The following KCND2 variants were observed in gnomAD, a reference collection of about 807,000 sequenced individuals.
KCND2 encodes the protein A-type voltage-gated potassium channel KCND2.
KCND2 carries 16 observed loss-of-function variants against 54.4 expected under a neutral mutation model. The ratio of observed to expected loss-of-function variants is 0.29; its 90% CI spans 0.20 to 0.45. KCND2 has a LOEUF of 0.45. Among genes scored for constraint, KCND2 ranks in the 20% least tolerant of loss-of-function variants. The pLI is 1.00. For synonymous variants in KCND2, 317 were observed against 310.7 expected, an observed-to-expected ratio of 1.02 and a Z score of -0.21; for missense variants, 486 against 824.2, an observed-to-expected ratio of 0.59 and a Z score of 5.02.
intron 1 of KCND2, among the ~76,000 whole-genome samples, chr7:120,639,884 A>G (rs1370046023): frequency 1.3e-5 from 2 of 152,108 alleles, no homozygotes; most frequent in Non-Finnish European, 2.9e-5. Context: ...TGTCACGAAT[A>G]TCCCATTGTA....
At chr7:120,311,968 A>G (rs374005743) in intron 1 of KCND2, among the ~76,000 whole-genome samples, 8 of 152,274 alleles carry the variant, frequency 5.3e-5, no homozygotes, top group Middle Eastern at 3.4e-3. Flanking sequence ...GCAATGGCAC[A>G]ATCTCGGCTC....
At chr7:120,457,264 A>T (rs1305272383) in intron 1 of KCND2, among the ~76,000 whole-genome samples, 1 of 152,174 alleles carries the variant, frequency 6.6e-6, no homozygotes, top group Non-Finnish European at 1.5e-5. Context: ...GGTGATTAAC[A>T]TCAGCTCCTC....
At chr7:120,630,587 A>G (rs1047060740) in intron 1 of KCND2, among the ~76,000 whole-genome samples, 1 of 152,156 alleles carries the variant, frequency 6.6e-6, no homozygotes, top group African/African-American at 2.4e-5. Context: ...AAACATAGTT[A>G]ATACAAATAT....
At chr7:120,723,936 G>A (rs1205205632) in intron 1 of KCND2, among the ~76,000 whole-genome samples, 1 of 152,128 alleles carries the variant, frequency 6.6e-6, no homozygotes, top group African/African-American at 2.4e-5. Flanking sequence ...GGTTATGCTG[G>A]GCATTTTGTC....
intron 1 of KCND2, among the ~76,000 whole-genome samples, chr7:120,574,150 A>G (rs1055384223): frequency 3.3e-5 from 5 of 152,224 alleles, no homozygotes; most frequent in Non-Finnish European, 5.9e-5. Context: ...TTCACTAAAT[A>G]GGTAAAGGAT....
At chr7:120,578,792 G>C (rs1300333261) in intron 1 of KCND2, among the ~76,000 whole-genome samples, 1 of 152,008 alleles carries the variant, frequency 6.6e-6, no homozygotes, top group Non-Finnish European at 1.5e-5. Context: ...TTGAATCCAA[G>C]AGGCAGAGGT....
chr7:120,704,064 T>C (rs1289722291), intron 1 of KCND2, among the ~76,000 whole-genome samples: 1 of 152,234 alleles, frequency 6.6e-6, no homozygotes, highest in Non-Finnish European at 1.5e-5. Flanking sequence ...TAAATTTATA[T>C]TCATTTTATC....
At chr7:120,540,240 G>T (rs896094933) in intron 1 of KCND2, among the ~76,000 whole-genome samples, 2 of 152,090 alleles carry the variant, frequency 1.3e-5, no homozygotes, top group Non-Finnish European at 2.9e-5. Context: ...CTGTTCAGCA[G>T]CAAGTGTTAT....
chr7:120,701,499 A>G (rs536790435), intron 1 of KCND2, among the ~76,000 whole-genome samples: 10 of 152,206 alleles, frequency 6.6e-5, no homozygotes, highest in African/African-American at 2.4e-4. Context: ...TGCCTGGGAA[A>G]TCCTAAGCAA....
chr7:120,572,555 T>A (rs1383757493), intron 1 of KCND2, among the ~76,000 whole-genome samples: 1 of 152,198 alleles, frequency 6.6e-6, no homozygotes, highest in African/African-American at 2.4e-5. Context: ...AGTCTCACTG[T>A]CGCCTAGGCT....
chr7:120,593,752 C>T (rs930328424), intron 1 of KCND2, among the ~76,000 whole-genome samples: 1 of 152,076 alleles, frequency 6.6e-6, no homozygotes, highest in African/African-American at 2.4e-5. Flanking sequence ...AATATGGCCC[C>T]ACAGAGAGCA....
rs202113603 is a variant in KCND2 at position 120,507,895 on chromosome 7, T to TA, written c.1116-224999dup. 4.8e-3 allele frequency among the ~76,000 whole-genome samples: 717 copies of TA among 150,802 alleles called. 2 individuals carry two copies. The highest frequency in any genetic ancestry group is 0.014 in the Middle Eastern group (4 of 292). On this transcript the variant is annotated intron_variant, in intron 1 of 5. Coordinates refer to ENST00000331113, the MANE Select transcript of KCND2 (RefSeq NM_012281.3). ...TTAAGTTGATTTTTATGGCATTTCA[T>TA]AAAAAAAAAGCTCACTGGGAGGGTA...
intron 1 of KCND2, among the ~76,000 whole-genome samples, chr7:120,411,284 C>T (rs912349034): frequency 2.0e-5 from 3 of 151,398 alleles, no homozygotes; most frequent in Admixed American, 2.0e-4. Context: ...TTATATAGAC[C>T]CCATGAGGAA....
chr7:120,466,791 G>A (rs143593928), intron 1 of KCND2, among the ~76,000 whole-genome samples: 26 of 152,182 alleles, frequency 1.7e-4, no homozygotes, highest in South Asian at 1.5e-3. Context: ...AGTCTTATGC[G>A]TCTAAAACCA....
intron 1 of KCND2, among the ~76,000 whole-genome samples, chr7:120,515,899 G>A (rs1803189996): frequency 6.6e-6 from 1 of 152,058 alleles, no homozygotes; most frequent in African/African-American, 2.4e-5. Flanking sequence ...AGAAGGAGAA[G>A]GAGAAGGTCT....
chr7:120,416,357 A>C (rs539759754), intron 1 of KCND2, among the ~76,000 whole-genome samples: 1 of 152,274 alleles, frequency 6.6e-6, no homozygotes, highest in Non-Finnish European at 1.5e-5. Flanking sequence ...TCACACACAC[A>C]TAGCTCCATT....
At chr7:120,707,820 C>G (rs1291369913) in intron 1 of KCND2, among the ~76,000 whole-genome samples, 1 of 151,952 alleles carries the variant, frequency 6.6e-6, no homozygotes, top group African/African-American at 2.4e-5. Flanking sequence ...AGGAGAACTA[C>G]TGATAAGGTA....
At chr7:120,533,938 C>T (rs750369536) in intron 1 of KCND2, among the ~76,000 whole-genome samples, 7 of 152,156 alleles carry the variant, frequency 4.6e-5, no homozygotes, top group East Asian at 1.9e-4. Flanking sequence ...CAAGAAGCTT[C>T]GCTAACCCCC....
chr7:120,335,409 G>T (rs527281468), intron 1 of KCND2, among the ~76,000 whole-genome samples: 2 of 146,408 alleles, frequency 1.4e-5, no homozygotes, highest in Non-Finnish European at 3.0e-5. Context: ...GAACCTGATA[G>T]CAGGCCTTGG....
Sources: gnomAD v4.1 joint callset for allele counts (sites outside exome capture counted in the v4.1 genomes callset) on GRCh38, gnomAD v4.1.1 for gene constraint, MANE v1.5 for transcripts, NCBI Gene and HGNC (gene_info 2026-07-23, HGNC 2026-07-21) for gene names.